The following STARD13 variants were observed in gnomAD, a reference collection of about 807,000 sequenced individuals.
The protein encoded by STARD13 is StAR related lipid transfer domain containing 13.
STARD13 carries 62 observed loss-of-function variants against 106.4 expected under a neutral mutation model. That is an observed-to-expected ratio of 0.58 (90% CI 0.48 to 0.72). STARD13 has a LOEUF of 0.72. STARD13 is among the 30% of genes least tolerant of loss of function. The pLI is 0.00. For synonymous variants in STARD13, 565 were observed against 553.0 expected (o/e 1.02, Z -0.31); for missense variants, 1,387 against 1,424.0 (o/e 0.97, Z 0.42).
intron 3 of STARD13, among the ~76,000 whole-genome samples, chr13:33,145,965 G>T (rs1034122746): frequency 6.6e-6 from 1 of 151,878 alleles, no homozygotes; most frequent in South Asian, 2.1e-4. Context: ...TGGGCAGATC[G>T]CTTGAGCCCA....
the STARD13 span, among the ~76,000 whole-genome samples, chr13:33,641,808 G>A: frequency 1.3e-5 from 2 of 152,232 alleles, no homozygotes; most frequent in East Asian, 1.9e-4. Context: ...CAGCTGGATC[G>A]TGTAACTTTT....
chr13:33,620,654 A>G, the STARD13 span, among the ~76,000 whole-genome samples: 1 of 151,490 alleles, frequency 6.6e-6, no homozygotes, highest in African/African-American at 2.4e-5. Flanking sequence ...CATTTCACAC[A>G]CTTAAAATCT....
chr13:33,542,080 G>C, the STARD13 span, among the ~76,000 whole-genome samples: 2 of 152,178 alleles, frequency 1.3e-5, no homozygotes, highest in African/African-American at 4.8e-5. Flanking sequence ...AGAATCGCTT[G>C]CTAAAAAGTT....
At chr13:33,593,860 G>C in the STARD13 span, among the ~76,000 whole-genome samples, 7 of 151,994 alleles carry the variant, frequency 4.6e-5, no homozygotes, top group Non-Finnish European at 1.0e-4. Context: ...ACAGTCCCCT[G>C]GTGGCAGTTG....
chr13:33,209,434 G>A (rs1034510910), intron 1 of STARD13, among the ~76,000 whole-genome samples: 1 of 150,396 alleles, frequency 6.6e-6, no homozygotes, highest in African/African-American at 2.5e-5. Context: ...AAAGCATGAT[G>A]TCTGAATCTT....
intron 1 of STARD13, among the ~76,000 whole-genome samples, chr13:33,270,684 C>G (rs1214779880): frequency 6.6e-6 from 1 of 152,130 alleles, no homozygotes; most frequent in African/African-American, 2.4e-5. Flanking sequence ...TAGGTCTCTC[C>G]CTCTACTGGG....
At chr13:33,357,314 A>G in the STARD13 span, among the ~76,000 whole-genome samples, 1 of 152,192 alleles carries the variant, frequency 6.6e-6, no homozygotes, top group Non-Finnish European at 1.5e-5. Flanking sequence ...TATTCCACAA[A>G]TATGTGTTCA....
At chr13:33,249,851 G>A (rs2764619) in intron 1 of STARD13, among the ~76,000 whole-genome samples, 32,105 of 151,964 alleles carry the variant, frequency 0.21, 3,733 homozygotes, top group South Asian at 0.34. Context: ...GTGCAGTGGC[G>A]CCATCTCGGC....
At chr13:33,191,183 C>A (rs1886233367) in intron 1 of STARD13, among the ~76,000 whole-genome samples, 1 of 152,144 alleles carries the variant, frequency 6.6e-6, no homozygotes, top group Admixed American at 6.5e-5. Flanking sequence ...TTATGATTGG[C>A]CCACTATGGA....
chr13:33,301,469 C>T (rs1039485898), intron 1 of STARD13, among the ~76,000 whole-genome samples: 2 of 152,038 alleles, frequency 1.3e-5, no homozygotes, highest in East Asian at 1.9e-4. Context: ...AGGGGGCTAA[C>T]GTATGAAGAC....
chr13:33,172,548 C>T (rs1002206149), intron 1 of STARD13, among the ~76,000 whole-genome samples: 2 of 152,206 alleles, frequency 1.3e-5, no homozygotes, highest in African/African-American at 4.8e-5. Context: ...CCCAGGTTTG[C>T]AGGCCTCATC....
the STARD13 span, among the ~76,000 whole-genome samples, chr13:33,499,604 TTTCTTCTTCTTCTTC>T: frequency 7.0e-4 from 28 of 39,898 alleles, 4 homozygotes; most frequent in African/African-American, 2.1e-3. Flanking sequence ...CTTCTTCTTC[TTTCTTCTTCTTCTTC>T]TTCTTCTTCT....
chr13:33,277,025 A>G (rs528342355), intron 1 of STARD13, among the ~76,000 whole-genome samples: 1 of 146,016 alleles, frequency 6.8e-6, no homozygotes, highest in East Asian at 2.0e-4. Flanking sequence ...CTCCATTTAG[A>G]TTATTTTAGA....
chr13:33,169,978 T>A (rs1295479935), intron 1 of STARD13, among the ~76,000 whole-genome samples: 1 of 152,040 alleles, frequency 6.6e-6, no homozygotes, highest in African/African-American at 2.4e-5. Context: ...ACATAGAGAT[T>A]AGAAGGATGG....
the STARD13 span, among the ~76,000 whole-genome samples, chr13:33,380,801 G>T: frequency 7.0e-4 from 107 of 152,136 alleles, no homozygotes; most frequent in African/African-American, 2.3e-3. Flanking sequence ...CAACCAGAGG[G>T]TACCCGTGCC....
chr13:33,247,614 A>G (rs1159147021), intron 1 of STARD13, among the ~76,000 whole-genome samples: 1 of 152,206 alleles, frequency 6.6e-6, no homozygotes, highest in Non-Finnish European at 1.5e-5. Flanking sequence ...CAAATATAAT[A>G]TCAAGTACAA....
intron 3 of STARD13, among the ~76,000 whole-genome samples, chr13:33,153,712 C>T (rs190184618): frequency 2.0e-5 from 3 of 152,220 alleles, no homozygotes; most frequent in African/African-American, 4.8e-5. Context: ...TGAAGTCTCT[C>T]GTGTTGATTT....
chr13:33,437,955 G>C, the STARD13 span, among the ~76,000 whole-genome samples: 2 of 152,094 alleles, frequency 1.3e-5, no homozygotes, highest in African/African-American at 4.8e-5. Flanking sequence ...TCTCATGCAC[G>C]ATACCTGAAG....
At chr13:33,523,487 C>T in the STARD13 span, among the ~76,000 whole-genome samples, 657 of 152,108 alleles carry the variant, frequency 4.3e-3, 2 homozygotes, top group Non-Finnish European at 7.3e-3. Context: ...ATCATAAAAT[C>T]AAGAACTATA....
Sources: allele counts gnomAD v4.1 joint callset (sites outside exome capture counted in the v4.1 genomes callset), GRCh38; gene constraint gnomAD v4.1.1; transcripts MANE v1.5; gene names NCBI Gene and HGNC (gene_info 2026-07-23, HGNC 2026-07-21).